Variants in VIRMA observed in about 807,000 individuals in gnomAD.
The protein encoded by VIRMA is protein virilizer homolog.
In VIRMA, 65 loss-of-function variants were observed where a neutral mutation model predicts 182.4. The observed-to-expected ratio is 0.36, with a 90% confidence interval of 0.29 to 0.44. The LOEUF is 0.44. Ranked by LOEUF, VIRMA falls within the 20% of genes least tolerant of loss-of-function variation. The pLI, the probability that VIRMA is intolerant of heterozygous loss-of-function variation, is 1.00. For missense variants in VIRMA, 1,752 were observed against 2,158.1 expected (o/e 0.81, Z 3.73); for synonymous variants, 709 against 743.1 (o/e 0.95, Z 0.75).
Position 94,506,477 on chromosome 8 carries a change from TATTAA to T in VIRMA, c.4097+18_4097+22del, listed in dbSNP as rs773977067. The T allele has an allele frequency of 1.3e-4, 183 of 1,452,952 alleles. No individual in the cohort carries two copies. The highest frequency in any genetic ancestry group is 1.7e-4 in the Non-Finnish European group (172 of 1,041,394). The allele number at this position is 1,452,952 out of a possible 1,614,324, so 90.0% of individuals were successfully genotyped here. ...AATGAAAAAATTAAATCTGAGAGTA[TATTAA>T]ATTAGACAAATCATTACCTTTTTAA... On this transcript the variant is annotated intron_variant, in intron 16 of 23. Transcript: ENST00000297591.
At chr8:94,537,420 G>A (rs1036627313) in intron 3 of VIRMA, among the ~76,000 whole-genome samples, 6 of 152,088 alleles carry the variant, frequency 3.9e-5, no homozygotes, top group Admixed American at 6.6e-5. Context: ...TACAGCCAGA[G>A]TAGAGAACCA....
At chr8:94,553,059 C>T (rs576247124) in intron 1 of VIRMA, among the ~76,000 whole-genome samples, 6 of 152,114 alleles carry the variant, frequency 3.9e-5, no homozygotes, top group African/African-American at 1.4e-4. Flanking sequence ...ACCAAGACCC[C>T]TCCCAAACGC....
chr8:94,523,670 C>G (rs1376258240), intron 8 of VIRMA, among the ~76,000 whole-genome samples: 2 of 151,650 alleles, frequency 1.3e-5, no homozygotes, highest in Non-Finnish European at 2.9e-5. Context: ...CTCTTGTCGC[C>G]CAGGCAGGAG....
intron 5 of VIRMA, among the ~76,000 whole-genome samples, chr8:94,533,316 T>C (rs1815232296): frequency 6.6e-6 from 1 of 152,190 alleles, no homozygotes. Context: ...TATATCAGGA[T>C]TCAGAGAAAC....
At chr8:94,489,677 G>A (rs561113418) in intron 23 of VIRMA, among the ~76,000 whole-genome samples, 7 of 151,690 alleles carry the variant, frequency 4.6e-5, no homozygotes, top group Non-Finnish European at 8.8e-5. Flanking sequence ...TTATTTAATT[G>A]TAACACATTA....
At chr8:94,499,239 G>A in intron 17 of VIRMA, 135 bp downstream of exon 17, 1 of 531,592 alleles carries the variant, frequency 1.9e-6, no homozygotes, top group Non-Finnish European at 3.1e-6. Flanking sequence ...GGCCCCAAGA[G>A]ATCCTCCCAC....
chr8:94,536,386 AC>A (rs1815343036), intron 4 of VIRMA, among the ~76,000 whole-genome samples: 1 of 152,266 alleles, frequency 6.6e-6, no homozygotes, highest in South Asian at 2.1e-4. Context: ...CAAATCTGCC[AC>A]TAAATGCTTC....
Position 94,518,980 on chromosome 8 carries a change from AT to A in VIRMA, c.2513+4del. 1 of 1,585,956 alleles carries A rather than the reference AT, an allele frequency of 6.3e-7. No homozygotes were observed. The highest frequency in any genetic ancestry group is 8.5e-7 in the Non-Finnish European group (1 of 1,169,804). ...AGAAAATTTAAGGAGTAAGTAGGAAATTACCCCAAGGCTTCTTTGGAATAGT... is the reference window on the plus strand; with the variant it reads ...AGAAAATTTAAGGAGTAAGTAGGAAATACCCCAAGGCTTCTTTGGAATAGT... On this transcript the variant is annotated splice_donor_region_variant and intron_variant, in intron 9 of 23. Transcript: ENST00000297591.
At position 94,538,282 on chromosome 8, in the gene VIRMA, G is replaced by A. The variant is rs1341678033; in HGVS notation, c.244C>T (p.Pro82Ser). The change falls in exon 3 of 24, where the codon CCT (proline) becomes TCT (serine). Residue 82 changes from proline to serine, a missense_variant. Pro to Ser is a moderately conservative substitution (Grantham distance 74). Transcript: ENST00000297591. ...TACCTTCCCAACCTATCGAAAACAG[G>A]GGCACTTGGTTTGCTTACATTGTTG... The part of the protein sequence containing the change: ...FFNNVSKPSA[P>S]VFDRLGSLEY... 2.5e-6 allele frequency: 4 copies of A among 1,612,724 alleles called. 1 individual carries two copies. The highest frequency in any genetic ancestry group is 2.2e-5 in the East Asian group (1 of 44,806).
At position 94,513,208 on chromosome 8, in the gene VIRMA, C is replaced by T. The variant is rs147332569; in HGVS notation, c.2752-1119G>A. ...CAAAAATTAGCCAAGCGTGGTAGCA[C>T]GTGCCTGTAATCCCAGCTACTTGGG... On this transcript the variant is annotated intron_variant, in intron 11 of 23. Transcript: ENST00000297591. Among the ~76,000 whole-genome samples, 594 of 152,094 alleles carry T rather than the reference C, an allele frequency of 3.9e-3. 4 individuals are homozygous for T. Among genetic ancestry groups the T allele is most frequent in the East Asian group, 0.023 (121 of 5,150 alleles).
intron 18 of VIRMA, 86 bp from the exon 19 acceptor site, chr8:94,495,977 T>C (rs1813761370): frequency 3.3e-6 from 4 of 1,205,434 alleles, no homozygotes; most frequent in African/African-American, 3.1e-5. Flanking sequence ...AAAGGCTATA[T>C]GTATTATTAC....
intron 16 of VIRMA, 70 bp from the exon 17 acceptor site, chr8:94,499,576 G>T (rs764475128): frequency 3.6e-6 from 4 of 1,125,158 alleles, no homozygotes; most frequent in South Asian, 3.1e-5. Flanking sequence ...TATGATAAAT[G>T]AACTCACTTC....
rs1462815449 is a variant in VIRMA at position 94,526,672 on chromosome 8, C to G, written c.1572G>C (p.Arg524Ser). The G allele has an allele frequency of 6.2e-7, 1 of 1,613,844 alleles. No individual in the cohort carries two copies. ...TEGMEAFLRG[R>S]QNEKSGYQKL... Reference sequence around the variant, plus strand: ...TTTGATAACCACTTTTTTCATTCTGCCTACCTCTTAAAAAAGCTTCCATTC... The same window carrying G: ...TTTGATAACCACTTTTTTCATTCTGGCTACCTCTTAAAAAAGCTTCCATTC... The change falls in exon 8 of 24, where the codon AGG (arginine) becomes AGC (serine). Residue 524 changes from arginine (R) to serine (S), a missense_variant. Coordinates refer to ENST00000297591, the MANE Select transcript of VIRMA (RefSeq NM_015496.5).
At chr8:94,522,943 G>A (rs1258347348) in intron 8 of VIRMA, among the ~76,000 whole-genome samples, 1 of 151,846 alleles carries the variant, frequency 6.6e-6, no homozygotes, top group Non-Finnish European at 1.5e-5. Flanking sequence ...ACCATTCTGG[G>A]CCCTTTATTT....
chr8:94,492,007 C>T (rs540622209), intron 21 of VIRMA, 98 bp from the exon 22 acceptor site: 2 of 890,784 alleles, frequency 2.2e-6, no homozygotes, highest in South Asian at 2.2e-5. Context: ...TTTTTTTGTA[C>T]TCCAATTCTG....
chr8:94,506,722 G>T lies in VIRMA; in HGVS notation c.3880-5C>A, dbSNP rs764158035. 1.9e-6 allele frequency: 3 copies of T among 1,590,710 alleles called. No homozygotes were observed. In the South Asian group the frequency reaches 3.4e-5, roughly 18 times the overall value. On this transcript the variant is annotated splice_region_variant and splice_polypyrimidine_tract_variant and intron_variant, in intron 15 of 23. Transcript: ENST00000297591. ...TGGTAAGATAAGTGCAATGTCCTGT[G>T]GGGAGCAGGGAAAAAAAAATCGATT... is the stretch of plus-strand genomic sequence containing the variant.
rs775425901 is a variant in VIRMA, at chr8:94,492,813, C to A, written c.4647G>T (p.Lys1549Asn). ...EEIDTDLDLV[K>N]VDLIELSEKC... ...TTTCAGAGAGTTCAATTAAGTCAAC[C>A]TTTACCTGCAGTCATAATAATGAAA... The change falls in exon 21 of 24, where the codon AAG becomes AAT. Residue 1549 changes from lysine (K) to asparagine (N), a missense_variant. Around this residue, in one of 11 missense-constraint regions of VIRMA, gnomAD observed 777 missense variants for 920.6 expected, o/e 0.84. Transcript: ENST00000297591. 1.2e-6 allele frequency: 2 copies of A among 1,610,404 alleles called. No homozygotes were observed. Among genetic ancestry groups the A allele is most frequent in the Admixed American group, 1.7e-5 (1 of 59,766 alleles).
chr8:94,538,052 G>A (rs1815402947), intron 3 of VIRMA, among the ~76,000 whole-genome samples: 1 of 152,070 alleles, frequency 6.6e-6, no homozygotes, highest in African/African-American at 2.4e-5. Flanking sequence ...AACAAACAAT[G>A]GCTATTTCAC....
At chr8:94,504,284 A>T (rs1297007481) in intron 16 of VIRMA, among the ~76,000 whole-genome samples, 1 of 151,540 alleles carries the variant, frequency 6.6e-6, no homozygotes, top group Non-Finnish European at 1.5e-5. Flanking sequence ...TCTTTCTCCC[A>T]TTCTGTACCC....
Sources: allele counts gnomAD v4.1 joint callset (sites outside exome capture counted in the v4.1 genomes callset), GRCh38; gene constraint gnomAD v4.1.1; regional missense constraint gnomAD v4.1.1; transcripts MANE v1.5; gene names NCBI Gene and HGNC (gene_info 2026-07-23, HGNC 2026-07-21).